Variants in SCN7A observed in about 807,000 individuals in gnomAD.
The protein encoded by SCN7A is sodium channel protein type 7 subunit alpha.
Under a neutral mutation model 155.2 loss-of-function variants are expected in SCN7A, and 138 were observed. That is an observed-to-expected ratio of 0.89 (90% CI 0.77 to 1.02). The LOEUF is 1.02. SCN7A is among the 50% of genes least tolerant of loss of function. SCN7A has a pLI of 0.00. For synonymous variants in SCN7A, 693 were observed against 649.0 expected, an observed-to-expected ratio of 1.07 and a Z score of -1.03; for missense variants, 2,058 against 1,986.6, an observed-to-expected ratio of 1.04 and a Z score of -0.68.
chr2:166,459,304 T>C (rs955465362), intron 10 of SCN7A, among the ~76,000 whole-genome samples: 1 of 152,128 alleles, frequency 6.6e-6, no homozygotes, highest in Non-Finnish European at 1.5e-5. Flanking sequence ...TTTCTAGTTT[T>C]ATTACATTTT....
intron 2 of SCN7A, among the ~76,000 whole-genome samples, chr2:166,485,295 G>A (rs1376148554): frequency 2.0e-5 from 3 of 152,140 alleles, no homozygotes; most frequent in Non-Finnish European, 2.9e-5. Flanking sequence ...CAGATTATGT[G>A]TTAAATTTTC....
intron 14 of SCN7A, among the ~76,000 whole-genome samples, chr2:166,443,077 C>T (rs1701993044): frequency 6.6e-6 from 1 of 152,128 alleles, no homozygotes. Context: ...ACCCCATAGA[C>T]ATACACTGAT....
At chr2:166,487,820 G>C (rs1185739024) in intron 1 of SCN7A, among the ~76,000 whole-genome samples, 1 of 152,172 alleles carries the variant, frequency 6.6e-6, no homozygotes, top group East Asian at 1.9e-4. Flanking sequence ...TGGATCAATA[G>C]ACTGAGGATA....
intron 22 of SCN7A, 56 bp downstream of exon 22, chr2:166,413,012 G>A: frequency 7.9e-7 from 1 of 1,266,018 alleles, no homozygotes; most frequent in Non-Finnish European, 1.1e-6. Flanking sequence ...TGCTCGAATT[G>A]CAAAAATGAC....
intron 2 of SCN7A, among the ~76,000 whole-genome samples, chr2:166,480,486 C>CAA (rs202118124): frequency 4.1e-4 from 60 of 144,754 alleles, no homozygotes; most frequent in East Asian, 1.8e-3. Flanking sequence ...AACAAAAAAA[C>CAA]AAAAAAAAAA....
rs796351496 is a variant in SCN7A, at chr2:166,444,943, A to G, written c.1445T>C (p.Phe482Ser). The G allele has an allele frequency of 1.2e-6, 2 of 1,613,560 alleles. No homozygotes were observed. Among genetic ancestry groups the G allele is most frequent in the Non-Finnish European group, 8.5e-7 (1 of 1,179,728 alleles). ...PLYWYKFAKT[F>S]LIWNCSPCWL... ...ACAGGGAGAACAATTCCAGATCAAG[A>G]AAGTTTTAGCAAACTTATACCAGTA... The change falls in exon 13 of 26, where the codon TTC becomes TCC. Residue 482 changes from phenylalanine (F) to serine (S), a missense_variant. Coordinates refer to ENST00000643258, the MANE Select transcript of SCN7A (RefSeq NM_002976.4).
At chr2:166,492,460 GA>G (rs1683134709) in intron 1 of SCN7A, among the ~76,000 whole-genome samples, 1 of 152,124 alleles carries the variant, frequency 6.6e-6, no homozygotes, top group Admixed American at 6.6e-5. Flanking sequence ...TCATCCCCAG[GA>G]AACAGGACTA....
intron 21 of SCN7A, among the ~76,000 whole-genome samples, chr2:166,416,125 G>T (rs2105379156): frequency 6.6e-6 from 1 of 152,178 alleles, no homozygotes; most frequent in African/African-American, 2.4e-5. Flanking sequence ...GTACCCTCAG[G>T]CTTACTAGGA....
At chr2:166,420,208 T>A (rs181812769) in intron 20 of SCN7A, among the ~76,000 whole-genome samples, 1 of 152,004 alleles carries the variant, frequency 6.6e-6, no homozygotes, top group African/African-American at 2.4e-5. Flanking sequence ...TTTCACCAAG[T>A]GGAAGGAGTT....
chr2:166,423,264 C>A lies in SCN7A; in HGVS notation c.3022G>T (p.Val1008Phe). The A allele has an allele frequency of 1.3e-6, 2 of 1,599,962 alleles. No individual in the cohort carries two copies. The highest frequency in any genetic ancestry group is 2.3e-5 in the South Asian group (2 of 87,660). The change falls in exon 19 of 26, where the codon GTT (valine) becomes TTT (phenylalanine). Residue 1008 changes from valine (V) to phenylalanine (F), a missense_variant. By Grantham distance (50) the Val-to-Phe change is conservative. Coordinates refer to ENST00000643258, the MANE Select transcript of SCN7A (RefSeq NM_002976.4). ...ATTTTCTTTAAAATACGTACAATAA[C>A]AACCACGAAGTCCAGCCTGTACCAG... ...NGWYRLDFVV[V>F]IVFCLSLIGK... is the part of the protein sequence containing the mutation.
In SCN7A at chr2:166,472,339, C is replaced by T. The variant is rs577641797; in HGVS notation, c.550G>A (p.Asp184Asn). 2.0e-5 allele frequency: 32 copies of T among 1,606,990 alleles called. No individual in the cohort carries two copies. In the East Asian group the frequency reaches 4.3e-4, roughly 21 times the overall value. Residue 184 changes from aspartate to asparagine, a missense_variant, in exon 6 of 26, where the codon GAT becomes AAT. By Grantham distance (23) the Asp-to-Asn change is conservative. Transcript: ENST00000643258. ...CACTCAAACACAGTTACGCTGAAATCGAGCCAGTTCCATGGATCACCGAGG... is the reference window on the plus strand; with the variant it reads ...CACTCAAACACAGTTACGCTGAAATTGAGCCAGTTCCATGGATCACCGAGG... ...SFLGDPWNWL[D>N]FSVTVFEVII... is the part of the protein sequence containing the mutation.
intron 3 of SCN7A, among the ~76,000 whole-genome samples, chr2:166,475,574 A>G (rs1189371733): frequency 6.6e-6 from 1 of 151,826 alleles, no homozygotes; most frequent in Non-Finnish European, 1.5e-5. Context: ...TTTAAATGCA[A>G]ACAGAAAATA....
At chr2:166,460,339 C>T (rs1328378968) in intron 10 of SCN7A, among the ~76,000 whole-genome samples, 2 of 152,174 alleles carry the variant, frequency 1.3e-5, no homozygotes, top group African/African-American at 4.8e-5. Context: ...ATAGCCCATA[C>T]ATATTCACTT....
At chr2:166,418,322 G>A (rs974271867) in intron 20 of SCN7A, among the ~76,000 whole-genome samples, 6 of 134,642 alleles carry the variant, frequency 4.5e-5, no homozygotes, top group Admixed American at 7.4e-5. Flanking sequence ...AGTAGAGACG[G>A]GGTTTCACCA....
At chr2:166,436,586 T>G (rs1413190652) in intron 15 of SCN7A, 2 of 176,658 alleles carry the variant, frequency 1.1e-5, no homozygotes, top group African/African-American at 4.8e-5. Flanking sequence ...TCCAAAAATG[T>G]GGAAGTGACT....
chr2:166,423,849 G>A (rs1701564322), intron 18 of SCN7A, among the ~76,000 whole-genome samples: 1 of 152,078 alleles, frequency 6.6e-6, no homozygotes, highest in African/African-American at 2.4e-5. Flanking sequence ...AAACAGATAT[G>A]TTTTTAAAAT....
intron 15 of SCN7A, among the ~76,000 whole-genome samples, chr2:166,436,773 G>A (rs1176112301): frequency 6.6e-6 from 1 of 152,300 alleles, no homozygotes; most frequent in East Asian, 1.9e-4. Context: ...TGAGGAACTT[G>A]TTGAGAACTG....
chr2:166,471,062 T>G (rs75789106), intron 6 of SCN7A, among the ~76,000 whole-genome samples: 86 of 152,018 alleles, frequency 5.7e-4, no homozygotes, highest in African/African-American at 1.9e-3. Context: ...TAAGATTCAT[T>G]TTAAGTATTT....
chr2:166,449,666 A>G (rs1702137929), intron 11 of SCN7A, among the ~76,000 whole-genome samples: 1 of 152,144 alleles, frequency 6.6e-6, no homozygotes, highest in African/African-American at 2.4e-5. Context: ...CAAAGAAGGT[A>G]TACTGTGGTC....
Sources: allele counts gnomAD v4.1 joint callset (sites outside exome capture counted in the v4.1 genomes callset), GRCh38; gene constraint gnomAD v4.1.1; transcripts MANE v1.5; gene names NCBI Gene and HGNC (gene_info 2026-07-23, HGNC 2026-07-21).